The following CDH4 variants were observed in gnomAD, a reference collection of about 807,000 sequenced individuals.
CDH4 encodes cadherin 4.
Under a neutral mutation model 86.0 loss-of-function variants are expected in CDH4, and 33 were observed. The observed-to-expected ratio is 0.38, with a 90% CI of 0.29 to 0.51. The LOEUF is 0.51. Among genes scored for constraint, CDH4 ranks in the 20% least tolerant of loss-of-function variants. The probability of loss-of-function intolerance (pLI) is 0.86; values close to 1 mark genes in which losing one functional copy is unlikely to be tolerated. For synonymous variants in CDH4, 555 were observed against 549.4 expected (o/e 1.01, Z -0.14); for missense variants, 1,114 against 1,307.4 (o/e 0.85, Z 2.28).
rs965368712 is a variant in CDH4, at chr20:61,582,997, G to C, written c.170-160566G>C. Among the ~76,000 whole-genome samples the C allele has an allele frequency of 6.6e-6, 1 of 151,926 alleles. No individual in the cohort carries two copies. Among genetic ancestry groups the C allele is most frequent in the Non-Finnish European group, 1.5e-5 (1 of 67,996 alleles). ...ACTTTCTGTCTCTGTCGACTTCCCT[G>C]TTCTGGGCACTGCGCATGAGAGAAT... On this transcript the variant is annotated intron_variant, in intron 2 of 15. Transcript: ENST00000614565. This position sits in a 1 kb window ranked among gnomAD's most constrained non-coding sequence, Gnocchi z 4.2.
chr20:61,337,476 A>G (rs1340540925), intron 2 of CDH4, among the ~76,000 whole-genome samples: 1 of 151,712 alleles, frequency 6.6e-6, no homozygotes, highest in Non-Finnish European at 1.5e-5. Flanking sequence ...GGTGATGATG[A>G]TAATGTTGAC....
chr20:61,472,667 A>ATT (rs2085511664), intron 2 of CDH4, among the ~76,000 whole-genome samples: 1 of 152,262 alleles, frequency 6.6e-6, no homozygotes, highest in South Asian at 2.1e-4. Context: ...CTTGACTGTC[A>ATT]GAATGAAGTT....
chr20:61,400,563 T>C (rs2085043845), intron 2 of CDH4, among the ~76,000 whole-genome samples: 2 of 152,222 alleles, frequency 1.3e-5, no homozygotes, highest in African/African-American at 2.4e-5. Flanking sequence ...CATGAATCTG[T>C]AGGGACTCTG....
At chr20:61,762,497 G>C (rs922519600) in intron 3 of CDH4, among the ~76,000 whole-genome samples, 1 of 152,220 alleles carries the variant, frequency 6.6e-6, no homozygotes. Context: ...GCTCACAGGG[G>C]TGTGTGGAGC....
chr20:61,787,131 C>T (rs1013558025), intron 4 of CDH4, among the ~76,000 whole-genome samples: 1 of 151,740 alleles, frequency 6.6e-6, no homozygotes. Context: ...TCCGTCTGTC[C>T]GTCCATCCAT....
At chr20:61,284,075 G>C (rs1174616166) in intron 2 of CDH4, among the ~76,000 whole-genome samples, 1 of 151,946 alleles carries the variant, frequency 6.6e-6, no homozygotes, top group African/African-American at 2.4e-5. Context: ...GGAGGACAAG[G>C]CGGGTGGATC....
At position 61,335,580 on chromosome 20, in the gene CDH4, C is replaced by G. The variant is rs76249120; in HGVS notation, c.169+80643C>G. Among the ~76,000 whole-genome samples, 11 of 152,306 alleles carry G rather than the reference C, an allele frequency of 7.2e-5. No homozygotes were observed. The East Asian group carries it at 2.1e-3, about 29-fold the overall frequency. On this transcript the variant is annotated intron_variant, in intron 2 of 15. Coordinates refer to ENST00000614565, the MANE Select transcript of CDH4 (RefSeq NM_001794.5). ...AGAACTAACACATTTCTCTGAATCT[C>G]CATGACTCATTCAGATTTCCGTCAA...
rs556825432 is a variant in CDH4, at chr20:61,934,197, G to A, written c.2521G>A (p.Asp841Asn). The change falls in exon 15 of 16, where the codon GAC becomes AAC. Residue 841 changes from aspartate (D) to asparagine (N), a missense_variant. Physicochemically the swap from Asp to Asn is conservative, Grantham distance 23. Coordinates refer to ENST00000614565, the MANE Select transcript of CDH4 (RefSeq NM_001794.5). The part of the protein sequence containing the change: ...PIRPMVPHPG[D>N]IGDFINEGLR... ...CAGGCCCATGGTGCCGCACCCAGGC[G>A]ACATCGGTGACTTCATCAATGAGGT... 48 of 1,572,148 alleles carry A rather than the reference G, an allele frequency of 3.1e-5. No individual in the cohort carries two copies. The highest frequency in any genetic ancestry group is 3.6e-5 in the Non-Finnish European group (41 of 1,154,298).
chr20:61,614,350 A>G (rs2086708800), intron 2 of CDH4, among the ~76,000 whole-genome samples: 1 of 152,112 alleles, frequency 6.6e-6, no homozygotes, highest in African/African-American at 2.4e-5. Flanking sequence ...GTTGAGCAGG[A>G]GGGCGGGCAC....
rs80212015 is a variant in CDH4 at position 61,324,339 on chromosome 20, G to T, written c.169+69402G>T. Among the ~76,000 whole-genome samples, 1,262 of 152,238 alleles carry T rather than the reference G, an allele frequency of 8.3e-3. 27 individuals carry two copies. The highest frequency in any genetic ancestry group is 0.029 in the African/African-American group (1,192 of 41,538). Reference sequence around the variant, plus strand: ...ACAACAAATTTTCCCAAACTGGGGGGGCTTAAAACAACAGATCTCTTTTTC... The same window carrying T: ...ACAACAAATTTTCCCAAACTGGGGGTGCTTAAAACAACAGATCTCTTTTTC... On this transcript the variant is annotated intron_variant, in intron 2 of 15. Coordinates refer to ENST00000614565, the MANE Select transcript of CDH4 (RefSeq NM_001794.5).
chr20:61,351,118 C>T (rs544032878), intron 2 of CDH4, among the ~76,000 whole-genome samples: 12 of 152,272 alleles, frequency 7.9e-5, no homozygotes, highest in Admixed American at 3.9e-4. Context: ...TGCTGTCCTC[C>T]GTGCTTTCAG....
intron 2 of CDH4, among the ~76,000 whole-genome samples, chr20:61,413,196 C>G (rs1017171275): frequency 7.0e-6 from 1 of 142,270 alleles, no homozygotes. Context: ...CCCCGCCCCC[C>G]ACCCCTGGCC....
chr20:61,888,407 G>A (rs1456746890), intron 7 of CDH4, among the ~76,000 whole-genome samples: 1 of 152,208 alleles, frequency 6.6e-6, no homozygotes, highest in Non-Finnish European at 1.5e-5. Flanking sequence ...GCTCACAGGT[G>A]AAGGAGAACA....
intron 2 of CDH4, among the ~76,000 whole-genome samples, chr20:61,371,986 C>T (rs754136339): frequency 2.4e-4 from 36 of 152,204 alleles, no homozygotes; most frequent in Non-Finnish European, 4.1e-4. Context: ...CACGGGCAGG[C>T]CGCTTGTGTT....
intron 9 of CDH4, among the ~76,000 whole-genome samples, chr20:61,918,679 G>A (rs1391597241): frequency 1.3e-5 from 2 of 152,152 alleles, no homozygotes; most frequent in East Asian, 3.9e-4. Context: ...TAAGCGTGGT[G>A]TCGCGGTGAT....
intron 2 of CDH4, among the ~76,000 whole-genome samples, chr20:61,455,599 C>A (rs867000533): frequency 6.6e-6 from 1 of 152,206 alleles, no homozygotes; most frequent in African/African-American, 2.4e-5. Context: ...TAGGACTAGC[C>A]AGCGACTAGC....
chr20:61,463,115 GCCTGCTGCCATGTAAGATGTGCC>G (rs1397978871), intron 2 of CDH4, among the ~76,000 whole-genome samples: 1 of 152,094 alleles, frequency 6.6e-6, no homozygotes, highest in African/African-American at 2.4e-5. Context: ...ACTCTCTCTT[GCCTGCTGCCATGTAAGATGTGCC>G]TTTGCTCTTT....
rs1247100535 is a variant in CDH4 at position 61,392,666 on chromosome 20, A to C, written c.169+137729A>C. 6.6e-6 allele frequency among the ~76,000 whole-genome samples: 1 copy of C among 151,860 alleles called. No individual in the cohort carries two copies. The highest frequency in any genetic ancestry group is 1.5e-5 in the Non-Finnish European group (1 of 67,958). ...AATGTTGTGCTATGTTGTTAATTCA[A>C]CTCCCTTGGGTTCTCATCTTCTGAT... On this transcript the variant is annotated intron_variant, in intron 2 of 15. Transcript: ENST00000614565. This position sits in a 1 kb window ranked among gnomAD's most constrained non-coding sequence, Gnocchi z 5.7.
intron 2 of CDH4, among the ~76,000 whole-genome samples, chr20:61,587,238 G>A (rs1306749728): frequency 6.6e-6 from 1 of 152,146 alleles, no homozygotes; most frequent in South Asian, 2.1e-4. Context: ...GGAAGGCTGA[G>A]CGCTTGAAGG....
Sources: allele counts gnomAD v4.1 joint callset (sites outside exome capture counted in the v4.1 genomes callset), GRCh38; gene constraint gnomAD v4.1.1; non-coding constraint Gnocchi (gnomAD v3.1); transcripts MANE v1.5; gene names NCBI Gene and HGNC (gene_info 2026-07-23, HGNC 2026-07-21).